The following DHRS4L2 variants were observed in gnomAD, a reference collection of about 807,000 sequenced individuals.
DHRS4L2 encodes the protein dehydrogenase/reductase 4 like 2.
Under a neutral mutation model 23.9 loss-of-function variants are expected in DHRS4L2, and 22 were observed. That is an observed-to-expected ratio of 0.92 (90% CI 0.66 to 1.31). DHRS4L2 has a LOEUF of 1.31. Among genes scored for constraint, DHRS4L2 ranks in the 40% most tolerant of loss-of-function variants. The probability of loss-of-function intolerance (pLI) is 0.00; values close to 1 mark genes in which losing one functional copy is unlikely to be tolerated. For synonymous variants in DHRS4L2, 141 were observed against 123.7 expected (o/e 1.14, Z -0.93); for missense variants, 385 against 303.3 (o/e 1.27, Z -2.00).
chr14:23,986,097 T>G (rs2034134871), upstream of DHRS4L2, among the ~76,000 whole-genome samples: 1 of 151,538 alleles, frequency 6.6e-6, no homozygotes. Context: ...CCTCAAGTGA[T>G]CTGCCCACCT....
chr14:23,972,798 G>A lies in DHRS4L2; in HGVS notation c.-176+2466G>A, dbSNP rs1051407897. Among the ~76,000 whole-genome samples the A allele has an allele frequency of 7.2e-5, 11 of 151,916 alleles. 1 individual carries two copies. Among genetic ancestry groups the A allele is most frequent in the Non-Finnish European group, 4.4e-5 (3 of 67,998 alleles). On this transcript the variant is annotated intron_variant, in intron 1 of 5. Transcript: ENST00000534993. ...TCAGTAAAAAGGAATGTAGTAGGAG[G>A]GCAGGGTGATAATAAGGAGAAGGTC...
chr14:24,004,260 C>G, intron 6 of DHRS4L2, 77 bp from the exon 7 acceptor site: 1 of 1,455,614 alleles, frequency 6.9e-7, no homozygotes, highest in South Asian at 1.4e-5. Flanking sequence ...AAGAGCAAGA[C>G]TCCGTCTCTA....
intron 1 of DHRS4L2, among the ~76,000 whole-genome samples, chr14:23,973,113 T>G (rs906585038): frequency 1.3e-5 from 2 of 151,950 alleles, no homozygotes; most frequent in East Asian, 1.9e-4. Flanking sequence ...GCAAGAGGCT[T>G]TCCTCTTTTA....
At chr14:23,971,472 C>T (rs557301292) in intron 1 of DHRS4L2, among the ~76,000 whole-genome samples, 5 of 151,914 alleles carry the variant, frequency 3.3e-5, no homozygotes, top group African/African-American at 1.2e-4. Flanking sequence ...AAAAAAGAAA[C>T]ATTCAAATTC....
chr14:23,984,676 C>G (rs553728215), upstream of DHRS4L2, among the ~76,000 whole-genome samples: 31 of 150,574 alleles, frequency 2.1e-4, no homozygotes, highest in African/African-American at 7.5e-4. Flanking sequence ...GCTAGCTCAC[C>G]AGGTACTGTA....
chr14:23,985,742 G>A (rs1029199425), upstream of DHRS4L2, among the ~76,000 whole-genome samples: 3 of 151,180 alleles, frequency 2.0e-5, no homozygotes, highest in Admixed American at 1.3e-4. Flanking sequence ...AGATGGAGTC[G>A]CTCCTTCTGT....
At chr14:23,972,344 A>G (rs112610795) in intron 1 of DHRS4L2, among the ~76,000 whole-genome samples, 32 of 151,900 alleles carry the variant, frequency 2.1e-4, no homozygotes, top group African/African-American at 4.8e-4. Context: ...CTCTTAAGGC[A>G]GCATGTCTGG....
chr14:24,001,603 G>C, intron 6 of DHRS4L2, 86 bp downstream of exon 6: 7 of 1,543,914 alleles, frequency 4.5e-6, no homozygotes, highest in Non-Finnish European at 6.1e-6. Flanking sequence ...CCTGAGTCCT[G>C]AGCTCTCAGC....
chr14:23,973,379 C>T (rs1199197746), intron 1 of DHRS4L2, among the ~76,000 whole-genome samples: 1 of 151,932 alleles, frequency 6.6e-6, no homozygotes, highest in African/African-American at 2.4e-5. Flanking sequence ...TCCACACCTC[C>T]CTGCAATCTG....
At chr14:23,998,632 C>A (rs1055018070) in intron 3 of DHRS4L2, among the ~76,000 whole-genome samples, 1 of 151,672 alleles carries the variant, frequency 6.6e-6, no homozygotes, top group Non-Finnish European at 1.5e-5. Flanking sequence ...CCAACTTTTC[C>A]GGAGCTTCTT....
upstream of DHRS4L2, chr14:23,988,774 C>A (rs1233324035): frequency 8.6e-6 from 12 of 1,398,608 alleles, no homozygotes; most frequent in Admixed American, 2.3e-4. Flanking sequence ...TAGCTGGCTG[C>A]GGGGCGGGGC....
chr14:24,005,797 G>A, intron 7 of DHRS4L2, 89 bp from the exon 8 acceptor site: 1 of 1,558,254 alleles, frequency 6.4e-7, no homozygotes, highest in South Asian at 1.2e-5. Flanking sequence ...GATAATTCTT[G>A]ATTAAGCAAA....
intron 1 of DHRS4L2, among the ~76,000 whole-genome samples, chr14:23,981,473 C>CA (rs1566488935): frequency 6.6e-6 from 1 of 151,376 alleles, no homozygotes; most frequent in Non-Finnish European, 1.5e-5. Context: ...CATATGGAAC[C>CA]AAAAAAAGAG....
At chr14:23,984,165 A>G (rs1806648333), upstream of DHRS4L2, among the ~76,000 whole-genome samples, 1 of 151,598 alleles carries the variant, frequency 6.6e-6, no homozygotes, top group Non-Finnish European at 1.5e-5. Flanking sequence ...TAAAAGAAAA[A>G]TGCATGTAAA....
exon 1 of DHRS4L2, chr14:23,969,978 C>T (rs1461699174): frequency 2.6e-5 from 12 of 454,740 alleles, no homozygotes; most frequent in African/African-American, 2.4e-4. Flanking sequence ...GCGGGCTCGC[C>T]TCTGCGGCAG....
At chr14:23,985,253 T>A (rs946907127), upstream of DHRS4L2, among the ~76,000 whole-genome samples, 2 of 151,620 alleles carry the variant, frequency 1.3e-5, no homozygotes, top group Non-Finnish European at 2.9e-5. Flanking sequence ...GGCCTTTGGC[T>A]CCCTACATTA....
upstream of DHRS4L2, among the ~76,000 whole-genome samples, chr14:23,984,359 C>G (rs1284796041): frequency 1.3e-5 from 2 of 151,418 alleles, 1 homozygote; most frequent in Non-Finnish European, 2.9e-5. Flanking sequence ...CACACTGATC[C>G]TGAAAGTTAA....
rs554252217 is a variant in DHRS4L2 at position 23,980,694 on chromosome 14, T to C, written c.-175-9488T>C. Among the ~76,000 whole-genome samples, 48 of 150,006 alleles carry C rather than the reference T, an allele frequency of 3.2e-4. No individual in the cohort carries two copies. In the Middle Eastern group the frequency reaches 0.017, roughly 54 times the overall value. On this transcript the variant is annotated intron_variant, in intron 1 of 5. Coordinates refer to the DHRS4L2 transcript ENST00000534993. Reference sequence around the variant, plus strand: ...TAGTCCATCACATAAACAGAACCAATGACAAAAACCACATGATTATCTCAA... The same window carrying C: ...TAGTCCATCACATAAACAGAACCAACGACAAAAACCACATGATTATCTCAA...
intron 1 of DHRS4L2, among the ~76,000 whole-genome samples, chr14:23,972,844 G>A (rs535020907): frequency 1.1e-4 from 16 of 151,308 alleles, no homozygotes; most frequent in African/African-American, 3.9e-4. Context: ...GTGAGCAATA[G>A]AATCTACATC....
Sources: gnomAD v4.1 joint callset for allele counts (sites outside exome capture counted in the v4.1 genomes callset) on GRCh38, gnomAD v4.1.1 for gene constraint, MANE v1.5 for transcripts, NCBI Gene and HGNC (gene_info 2026-07-23, HGNC 2026-07-21) for gene names.